Variants in EPHA6 observed in about 807,000 individuals in gnomAD.
EPHA6 encodes the protein EPH receptor A6.
EPHA6 carries 50 observed loss-of-function variants against 112.0 expected under a neutral mutation model. The ratio of observed to expected loss-of-function variants is 0.45; its 90% CI spans 0.36 to 0.56. EPHA6 has a LOEUF of 0.56. Ranked by LOEUF, EPHA6 falls within the 20% of genes least tolerant of loss-of-function variation. EPHA6 has a pLI of 0.00. For synonymous variants in EPHA6, 529 were observed against 490.7 expected (o/e 1.08, Z -1.03); for missense variants, 1,280 against 1,417.4 (o/e 0.90, Z 1.56).
chr3:96,824,338 A>G (rs1181436635), intron 1 of EPHA6, among the ~76,000 whole-genome samples: 1 of 151,888 alleles, frequency 6.6e-6, no homozygotes, highest in Non-Finnish European at 1.5e-5. Context: ...AATTTTAAAC[A>G]TATTTCTATT....
chr3:97,718,464 T>C (rs1041445254), intron 14 of EPHA6, among the ~76,000 whole-genome samples: 1 of 152,208 alleles, frequency 6.6e-6, no homozygotes, highest in Admixed American at 6.5e-5. Flanking sequence ...TTTGGTTTTT[T>C]TTAAGTATAA....
chr3:96,955,889 G>A (rs2041738108), intron 2 of EPHA6, among the ~76,000 whole-genome samples: 1 of 152,138 alleles, frequency 6.6e-6, no homozygotes, highest in Non-Finnish European at 1.5e-5. Context: ...TACAAACTAT[G>A]TTTTTTGTGA....
At chr3:97,148,894 C>T (rs182776944) in intron 3 of EPHA6, among the ~76,000 whole-genome samples, 3 of 152,156 alleles carry the variant, frequency 2.0e-5, no homozygotes, top group African/African-American at 7.2e-5. Flanking sequence ...TTTGTTTCTT[C>T]CTTTCATTAA....
At chr3:97,658,606 T>C (rs2094150759) in intron 14 of EPHA6, among the ~76,000 whole-genome samples, 1 of 151,924 alleles carries the variant, frequency 6.6e-6, no homozygotes, top group South Asian at 2.1e-4. Context: ...AGGTTTTGCT[T>C]GAACTCCAAT....
intron 14 of EPHA6, among the ~76,000 whole-genome samples, chr3:97,684,760 G>T (rs1395363208): frequency 1.3e-5 from 2 of 152,158 alleles, no homozygotes; most frequent in Non-Finnish European, 2.9e-5. Flanking sequence ...AAGATTGAAA[G>T]GGAGGGAATC....
intron 5 of EPHA6, among the ~76,000 whole-genome samples, chr3:97,375,743 C>A (rs543793872): frequency 2.0e-5 from 3 of 152,120 alleles, no homozygotes; most frequent in Non-Finnish European, 2.9e-5. Flanking sequence ...TACTACTCAG[C>A]AACTAAAAGG....
chr3:97,691,003 A>G (rs977614496), intron 14 of EPHA6, among the ~76,000 whole-genome samples: 5 of 152,334 alleles, frequency 3.3e-5, no homozygotes, highest in African/African-American at 1.2e-4. Context: ...TGTCTAAGAA[A>G]CAATTGTCTA....
chr3:97,147,397 TTAAC>T (rs1420733549), intron 3 of EPHA6, among the ~76,000 whole-genome samples: 2 of 152,094 alleles, frequency 1.3e-5, no homozygotes, highest in African/African-American at 4.8e-5. Context: ...TTTTCCTTTC[TTAAC>T]TATGTCCTCC....
intron 14 of EPHA6, 77 bp downstream of exon 14, chr3:97,638,159 T>C: frequency 9.5e-7 from 1 of 1,049,156 alleles, no homozygotes; most frequent in Non-Finnish European, 1.4e-6. Flanking sequence ...ATTCTGTTTC[T>C]GCCTTCCTAA....
intron 5 of EPHA6, among the ~76,000 whole-genome samples, chr3:97,340,508 C>A: frequency 6.6e-6 from 1 of 152,170 alleles, no homozygotes; most frequent in Middle Eastern, 3.2e-3. Flanking sequence ...AAGCGTCAAT[C>A]GTCACATTTT....
At chr3:97,568,263 C>A (rs1207514855) in intron 11 of EPHA6, among the ~76,000 whole-genome samples, 1 of 152,192 alleles carries the variant, frequency 6.6e-6, no homozygotes, top group Non-Finnish European at 1.5e-5. Context: ...TCATTTCTTT[C>A]CAGAATTACA....
chr3:96,991,478 C>T (rs561633127), intron 3 of EPHA6, among the ~76,000 whole-genome samples: 7 of 152,216 alleles, frequency 4.6e-5, no homozygotes, highest in African/African-American at 1.4e-4. Context: ...CCCAAGCTTT[C>T]CTGGAGCGTA....
At chr3:96,998,819 T>C (rs1052347002) in intron 3 of EPHA6, among the ~76,000 whole-genome samples, 8 of 151,944 alleles carry the variant, frequency 5.3e-5, no homozygotes, top group African/African-American at 1.9e-4. Flanking sequence ...TTTTATTAAA[T>C]ATGTTTGTTG....
In EPHA6 at chr3:97,047,222, C is replaced by T. The variant is rs550690298; in HGVS notation, c.1114+59229C>T. ...CTGTAAGATATAAGAAACCAGGGGCCGGGCACAGTGGCTCATGCCTGTAAT... is the reference window on the plus strand; with the variant it reads ...CTGTAAGATATAAGAAACCAGGGGCTGGGCACAGTGGCTCATGCCTGTAAT... On this transcript the variant is annotated intron_variant, in intron 3 of 17. Transcript: ENST00000389672. Among the ~76,000 whole-genome samples the T allele has an allele frequency of 9.9e-5, 15 of 151,898 alleles. No individual in the cohort carries two copies. The East Asian group carries it at 2.5e-3, about 25-fold the overall frequency.
chr3:97,064,590 C>T (rs913885393), intron 3 of EPHA6, among the ~76,000 whole-genome samples: 2 of 152,136 alleles, frequency 1.3e-5, no homozygotes, highest in South Asian at 4.1e-4. Context: ...ATATCCATTT[C>T]TTTAATGAAT....
intron 11 of EPHA6, among the ~76,000 whole-genome samples, chr3:97,584,162 A>G (rs2093467202): frequency 6.6e-6 from 1 of 152,232 alleles, no homozygotes; most frequent in South Asian, 2.1e-4. Context: ...TTACAAAGTC[A>G]AACTACCTTT....
At chr3:97,039,911 G>A (rs777864674) in intron 3 of EPHA6, among the ~76,000 whole-genome samples, 8 of 151,852 alleles carry the variant, frequency 5.3e-5, no homozygotes, top group Non-Finnish European at 1.0e-4. Context: ...CAATAAAAGT[G>A]CAGAAGACAA....
intron 2 of EPHA6, among the ~76,000 whole-genome samples, chr3:96,897,082 T>G (rs2038313832): frequency 6.6e-6 from 1 of 152,040 alleles, no homozygotes. Context: ...TAATACATCT[T>G]TAACAAAGTG....
chr3:96,900,124 G>A (rs2038523447), intron 2 of EPHA6, among the ~76,000 whole-genome samples: 1 of 152,134 alleles, frequency 6.6e-6, no homozygotes, highest in Admixed American at 6.6e-5. Context: ...GAGGACACTT[G>A]AGCCTCCTAG....
Sources: gnomAD v4.1 joint callset for allele counts (sites outside exome capture counted in the v4.1 genomes callset) on GRCh38, gnomAD v4.1.1 for gene constraint, MANE v1.5 for transcripts, NCBI Gene and HGNC (gene_info 2026-07-23, HGNC 2026-07-21) for gene names.